Variants in KAZN observed in about 807,000 individuals in gnomAD.
KAZN encodes kazrin.
In KAZN, 40 loss-of-function variants were observed where a neutral mutation model predicts 87.4. The observed-to-expected ratio is 0.46, with a 90% CI of 0.36 to 0.60. KAZN has a LOEUF of 0.60. KAZN is among the 20% of genes least tolerant of loss of function. KAZN has a pLI of 0.00. For synonymous variants in KAZN, 466 were observed against 458.3 expected (o/e 1.02, Z -0.22); for missense variants, 898 against 1,073.9 (o/e 0.84, Z 2.29).
In KAZN at chr1:14,603,829, C is replaced by A. The variant is rs553081890; in HGVS notation, c.226+4606C>A. ...TTCCTGGCTGCCAGTGTGTTTGTAG[C>A]AGATGGGCTTGGCAGGTGGCAAGAG... is the stretch of plus-strand genomic sequence containing the variant. On this transcript the variant is annotated intron_variant, in intron 1 of 14. Transcript: ENST00000376030. Among the ~76,000 whole-genome samples the A allele has an allele frequency of 5.3e-5, 8 of 152,290 alleles. No individual in the cohort carries two copies. The South Asian group carries it at 1.7e-3, about 32-fold the overall frequency.
rs140021198 is a variant in KAZN, at chr1:14,136,946, C to T, written c.92-43489C>T. On this transcript the variant is annotated intron_variant, in intron 1 of 16. Transcript: ENST00000636203. ...GTTGAAGCCAGGAGTCACTAAAGGC[C>T]ACCCAACGCCGAGGGAGAGAAAGAC... Among the ~76,000 whole-genome samples, 53 of 152,220 alleles carry T rather than the reference C, an allele frequency of 3.5e-4. 1 individual carries two copies. The East Asian group carries it at 0.01, about 29-fold the overall frequency.
At chr1:14,712,427 C>T (rs577687052) in intron 1 of KAZN, among the ~76,000 whole-genome samples, 27 of 152,260 alleles carry the variant, frequency 1.8e-4, no homozygotes, top group Non-Finnish European at 2.5e-4. Context: ...TGTGTGGGTT[C>T]AGGTTGATGC....
chr1:13,918,163 T>G (rs577314662), intron 1 of KAZN, among the ~76,000 whole-genome samples: 2 of 152,348 alleles, frequency 1.3e-5, no homozygotes, highest in East Asian at 3.9e-4. Flanking sequence ...TAGTGATTCC[T>G]CTGATGGATC....
chr1:14,091,046 A>G (rs1254154974), intron 1 of KAZN, among the ~76,000 whole-genome samples: 7 of 136,878 alleles, frequency 5.1e-5, no homozygotes, highest in African/African-American at 1.9e-4. Context: ...CAGGAGGCAG[A>G]GGTTGCAGTG....
chr1:14,754,062 G>C (rs908964955), intron 1 of KAZN, among the ~76,000 whole-genome samples: 1 of 152,152 alleles, frequency 6.6e-6, no homozygotes, highest in East Asian at 1.9e-4. Flanking sequence ...GTGACCAATC[G>C]ACGTAGGCTG....
At chr1:14,408,729 A>T (rs1368409077) in intron 2 of KAZN, among the ~76,000 whole-genome samples, 2 of 152,204 alleles carry the variant, frequency 1.3e-5, no homozygotes, top group Non-Finnish European at 2.9e-5. Flanking sequence ...TAGCATCAAC[A>T]TATGAATTTG....
chr1:14,862,235 T>G (rs1650948234), intron 1 of KAZN, among the ~76,000 whole-genome samples: 1 of 152,180 alleles, frequency 6.6e-6, no homozygotes, highest in South Asian at 2.1e-4. Flanking sequence ...AACAAATGTG[T>G]GAACCAAGTG....
chr1:14,316,527 C>A (rs1251626996), intron 2 of KAZN, among the ~76,000 whole-genome samples: 1 of 151,842 alleles, frequency 6.6e-6, no homozygotes, highest in Non-Finnish European at 1.5e-5. Context: ...TGATTTTTCT[C>A]TATTGCTTGT....
At chr1:13,950,728 C>T (rs938016697) in intron 1 of KAZN, among the ~76,000 whole-genome samples, 1 of 152,148 alleles carries the variant, frequency 6.6e-6, no homozygotes, top group Non-Finnish European at 1.5e-5. Context: ...GGAACGAATA[C>T]CCCAACCTCA....
rs749531378 is a variant in KAZN at position 15,114,698 on chromosome 1, C to T, written c.*63C>T. The T allele has an allele frequency of 6.7e-6, 10 of 1,503,512 alleles. No individual in the cohort carries two copies. The highest frequency in any genetic ancestry group is 9.0e-6 in the Non-Finnish European group (10 of 1,113,628). 93.1% of individuals were successfully genotyped at this position (1,503,512 alleles called of 1,614,324 possible). A position where few individuals can be genotyped will look rare whatever the true frequency, so the allele number is the denominator to read the frequency against. On this transcript the variant is annotated 3_prime_UTR_variant, in exon 15 of 15. Transcript: ENST00000376030. ...CAGGAAGGAAGAGAAGCCAGATGGC[C>T]CCAGGTGTCGTTCTCACTGTACATA...
intron 2 of KAZN, among the ~76,000 whole-genome samples, chr1:14,253,137 C>A (rs576546427): frequency 4.1e-5 from 6 of 144,640 alleles, no homozygotes; most frequent in African/African-American, 1.5e-4. Context: ...AAAAAAAAAA[C>A]GGCCCCACCC....
intron 2 of KAZN, among the ~76,000 whole-genome samples, chr1:15,024,176 C>T (rs956943875): frequency 1.3e-5 from 2 of 152,104 alleles, no homozygotes; most frequent in African/African-American, 4.8e-5. Context: ...CAGAAGGGAA[C>T]AGAGTCCAAA....
chr1:14,893,253 C>A (rs1423991784), intron 1 of KAZN, among the ~76,000 whole-genome samples: 1 of 152,118 alleles, frequency 6.6e-6, no homozygotes, highest in Non-Finnish European at 1.5e-5. Context: ...GTAATCCCAG[C>A]CACTTGGGAG....
chr1:14,193,972 T>C (rs1646475175), intron 2 of KAZN, among the ~76,000 whole-genome samples: 1 of 152,160 alleles, frequency 6.6e-6, no homozygotes, highest in Non-Finnish European at 1.5e-5. Flanking sequence ...TTCCCTATTA[T>C]TGGCTTCCCT....
At chr1:14,589,379 C>A (rs1386746261) in intron 2 of KAZN, among the ~76,000 whole-genome samples, 1 of 151,174 alleles carries the variant, frequency 6.6e-6, no homozygotes, top group Non-Finnish European at 1.5e-5. Flanking sequence ...ATAAACATGA[C>A]AGCTTTGCAC....
At position 15,094,013 on chromosome 1, in the gene KAZN, G is replaced by C. The variant is rs1035889701; in HGVS notation, c.1223-167G>C. ...CTTTTCATAGATTACTTTTGTAATGGGGGCAAGGGCAGAAAAACAAAAACG... is the reference window on the plus strand; with the variant it reads ...CTTTTCATAGATTACTTTTGTAATGCGGGCAAGGGCAGAAAAACAAAAACG... On this transcript the variant is annotated intron_variant, in intron 8 of 14. Coordinates refer to ENST00000376030, the MANE Select transcript of KAZN (RefSeq NM_201628.3). This position sits in a 1 kb window ranked among gnomAD's most constrained non-coding sequence, Gnocchi z 4.5. Among the ~76,000 whole-genome samples, 2 of 152,106 alleles carry C rather than the reference G, an allele frequency of 1.3e-5. No individual in the cohort carries two copies. Among genetic ancestry groups the C allele is most frequent in the East Asian group, 3.9e-4 (2 of 5,194 alleles).
chr1:15,088,988 C>T (rs1448961914), intron 8 of KAZN, among the ~76,000 whole-genome samples: 1 of 152,092 alleles, frequency 6.6e-6, no homozygotes, highest in African/African-American at 2.4e-5. Flanking sequence ...CAAAGACACA[C>T]AGGCACACGC....
At chr1:14,188,295 T>C (rs1646354128) in intron 2 of KAZN, among the ~76,000 whole-genome samples, 1 of 151,538 alleles carries the variant, frequency 6.6e-6, no homozygotes, top group Non-Finnish European at 1.5e-5. Flanking sequence ...TTTTGTGTGT[T>C]AAGCATTACC....
chr1:14,611,317 C>A (rs1769844), intron 1 of KAZN, among the ~76,000 whole-genome samples: 123,484 of 152,220 alleles, frequency 0.81, 50,273 homozygotes, highest in African/African-American at 0.88. Flanking sequence ...AATAATAGAC[C>A]TTGGAACTTC....
Sources: allele counts gnomAD v4.1 joint callset (sites outside exome capture counted in the v4.1 genomes callset), GRCh38; gene constraint gnomAD v4.1.1; non-coding constraint Gnocchi (gnomAD v3.1); transcripts MANE v1.5; gene names NCBI Gene and HGNC (gene_info 2026-07-23, HGNC 2026-07-21).